WDPCP: variants seen among roughly 807,000 people sequenced by gnomAD.
WDPCP encodes the protein WD repeat-containing and planar cell polarity effector protein fritz homolog.
Under a neutral mutation model 93.1 loss-of-function variants are expected in WDPCP, and 71 were observed. The observed-to-expected ratio is 0.76, with a 90% CI of 0.63 to 0.93. WDPCP has a LOEUF of 0.93. Among genes scored for constraint, WDPCP ranks in the 40% least tolerant of loss-of-function variants. The pLI, the probability that WDPCP is intolerant of heterozygous loss-of-function variation, is 0.00. For missense variants in WDPCP, 844 were observed against 887.4 expected (o/e 0.95, Z 0.62); for synonymous variants, 315 against 315.0 (o/e 1.00, Z 0.00).
At chr2:63,554,509 T>C (rs1705926632) in intron 1 of WDPCP, among the ~76,000 whole-genome samples, 1 of 151,994 alleles carries the variant, frequency 6.6e-6, no homozygotes, top group Admixed American at 6.6e-5. Context: ...AAAAATTAGC[T>C]GGGTATGATG....
chr2:63,634,332 A>G (rs1246004742), intron 3 of WDPCP, among the ~76,000 whole-genome samples: 1 of 152,244 alleles, frequency 6.6e-6, no homozygotes, highest in Non-Finnish European at 1.5e-5. Context: ...GGATATAACA[A>G]TTGTAAATAT....
chr2:63,622,744 A>G (rs1709759864), intron 3 of WDPCP: 1 of 1,613,296 alleles, frequency 6.2e-7, no homozygotes, highest in South Asian at 1.1e-5. Flanking sequence ...TGTTTGCTAT[A>G]GGGATTCGGG....
chr2:63,576,565 T>C (rs894379334), intron 1 of WDPCP, among the ~76,000 whole-genome samples: 5 of 152,194 alleles, frequency 3.3e-5, no homozygotes, highest in Non-Finnish European at 5.9e-5. Context: ...AACCCTGTCC[T>C]TTTGGGGTTT....
intron 2 of WDPCP, among the ~76,000 whole-genome samples, chr2:63,737,151 C>T (rs563239213): frequency 1.5e-4 from 23 of 152,280 alleles, no homozygotes; most frequent in Non-Finnish European, 1.5e-4. Flanking sequence ...TAAGCAGCTG[C>T]TGGCAATCCT....
chr2:63,410,926 T>C (rs1054346068), intron 9 of WDPCP, among the ~76,000 whole-genome samples: 7 of 152,048 alleles, frequency 4.6e-5, no homozygotes, highest in South Asian at 2.1e-4. Context: ...ATGAGATAGA[T>C]AGCAACACAA....
At chr2:63,527,014 C>T (rs992808184) in intron 1 of WDPCP, among the ~76,000 whole-genome samples, 11 of 152,124 alleles carry the variant, frequency 7.2e-5, no homozygotes, top group South Asian at 6.2e-4. Context: ...CTTAGAGTGT[C>T]AGCCATGAAA....
At chr2:63,413,281 CT>C (rs1695157545) in intron 9 of WDPCP, among the ~76,000 whole-genome samples, 1 of 152,292 alleles carries the variant, frequency 6.6e-6, no homozygotes, top group South Asian at 2.1e-4. Flanking sequence ...AAAGGACACC[CT>C]ATTCAACAAA....
chr2:63,641,084 G>A lies in WDPCP; in HGVS notation n.488+9575C>T, dbSNP rs1354255023. Among the ~76,000 whole-genome samples, 3 of 152,100 alleles carry A rather than the reference G, an allele frequency of 2.0e-5. No individual in the cohort carries two copies. The East Asian group carries it at 5.8e-4, about 29-fold the overall frequency. On this transcript the variant is annotated intron_variant and non_coding_transcript_variant, in intron 3 of 4. Transcript: ENST00000467687. ...GAACATGGGATGGTTGTCTTTCTGT[G>A]CCTGCCTTTTTTCACTTAACATAAT... is the stretch of plus-strand genomic sequence containing the variant.
upstream of WDPCP, among the ~76,000 whole-genome samples, chr2:63,591,610 A>C (rs563265739): frequency 4.6e-5 from 7 of 152,324 alleles, no homozygotes; most frequent in South Asian, 1.4e-3. Flanking sequence ...CCCTTTTCTT[A>C]TCCTAGTTTG....
intron 14 of WDPCP, among the ~76,000 whole-genome samples, chr2:63,184,171 T>C (rs1574822663): frequency 6.6e-6 from 1 of 152,156 alleles, no homozygotes; most frequent in East Asian, 1.9e-4. Flanking sequence ...ATAATGTTAA[T>C]TGTTATCAAA....
rs1700474897 is a variant in WDPCP, at chr2:63,484,907, T to C, written c.324+10A>G. ...GTTTGTTGCCATTTTTGAAACTTTT[T>C]GAAAGATACCTCCAACTCTTTGAGC... On this transcript the variant is annotated intron_variant, in intron 5 of 17. Transcript: ENST00000272321. 1 of 1,612,028 alleles carries C rather than the reference T, an allele frequency of 6.2e-7. No individual in the cohort carries two copies. Among genetic ancestry groups the C allele is most frequent in the Admixed American group, 1.7e-5 (1 of 59,736 alleles).
intron 1 of WDPCP, among the ~76,000 whole-genome samples, chr2:63,586,759 T>C (rs762009023): frequency 6.6e-6 from 1 of 152,202 alleles, no homozygotes; most frequent in Non-Finnish European, 1.5e-5. Flanking sequence ...GGGGCTTACA[T>C]GTTTGTGGCC....
At chr2:63,208,204 G>A (rs1354267604) in intron 14 of WDPCP, among the ~76,000 whole-genome samples, 1 of 152,080 alleles carries the variant, frequency 6.6e-6, no homozygotes, top group Admixed American at 6.5e-5. Context: ...TGCTTTCATT[G>A]TTGATAGGGA....
chr2:63,627,837 G>A (rs1709826058), intron 3 of WDPCP, among the ~76,000 whole-genome samples: 2 of 152,186 alleles, frequency 1.3e-5, no homozygotes, highest in African/African-American at 4.8e-5. Flanking sequence ...CCGAACAAGA[G>A]CTTGGGTGCC....
chr2:63,383,345 A>G (rs561805368), intron 10 of WDPCP, among the ~76,000 whole-genome samples: 1 of 152,300 alleles, frequency 6.6e-6, no homozygotes, highest in South Asian at 2.1e-4. Flanking sequence ...CAATCCTTAA[A>G]TGCACCTAAT....
chr2:63,123,071 A>C (rs1289184598), intron 17 of WDPCP, among the ~76,000 whole-genome samples: 9 of 151,894 alleles, frequency 5.9e-5, no homozygotes, highest in Non-Finnish European at 1.3e-4. Context: ...AACCTGGAAA[A>C]ACAGGTAGCA....
At chr2:63,705,493 T>G (rs1188637819) in intron 2 of WDPCP, among the ~76,000 whole-genome samples, 1 of 152,158 alleles carries the variant, frequency 6.6e-6, no homozygotes, top group Non-Finnish European at 1.5e-5. Flanking sequence ...TTCTGGTATG[T>G]TGTGTGTCTG....
chr2:63,340,928 T>G (rs1688790685), intron 12 of WDPCP, among the ~76,000 whole-genome samples: 1 of 152,182 alleles, frequency 6.6e-6, no homozygotes, highest in South Asian at 2.1e-4. Flanking sequence ...TGAGCATGAA[T>G]TTTGCTGTAC....
chr2:63,575,490 GTATATA>G lies in WDPCP; in HGVS notation c.75+12701_75+12706del, dbSNP rs1708008917. Among the ~76,000 whole-genome samples, 22 of 90,888 alleles carry G rather than the reference GTATATA, an allele frequency of 2.4e-4. 2 individuals are homozygous for G. The highest frequency in any genetic ancestry group is 4.2e-4 in the Non-Finnish European group (18 of 42,692). 59.6% of individuals were successfully genotyped at this position (90,888 alleles called of 152,430 possible). On this transcript the variant is annotated intron_variant, in intron 1 of 17. Transcript: ENST00000272321. ...ATGCAGTATATACAGTGTATATATA[GTATATA>G]CAGTATATACACTGTATATATAGTA...
Sources: gnomAD v4.1 joint callset for allele counts (sites outside exome capture counted in the v4.1 genomes callset) on GRCh38, gnomAD v4.1.1 for gene constraint, MANE v1.5 for transcripts, NCBI Gene and HGNC (gene_info 2026-07-23, HGNC 2026-07-21) for gene names.